Variants in RHOU observed in about 807,000 individuals in gnomAD.
RHOU encodes the protein ras homolog family member U, also known as rho-related GTP-binding protein RhoU.
In RHOU, 8 loss-of-function variants were observed where a neutral mutation model predicts 12.6. That is an observed-to-expected ratio of 0.64 (90% CI 0.37 to 1.15). The LOEUF (loss-of-function observed/expected upper bound fraction) is 1.15. RHOU is among the 50% of genes most tolerant of loss of function. RHOU has a pLI of 0.01. For synonymous variants in RHOU, 161 were observed against 147.4 expected, an observed-to-expected ratio of 1.09 and a Z score of -0.67; for missense variants, 258 against 347.0, an observed-to-expected ratio of 0.74 and a Z score of 2.04.
At chr1:228,658,778 C>T in the RHOU span, among the ~76,000 whole-genome samples, 2 of 152,194 alleles carry the variant, frequency 1.3e-5, no homozygotes, top group South Asian at 2.1e-4. Context: ...TGCAGTTGGC[C>T]CTGTAAAACC....
At chr1:228,669,451 A>G in the RHOU span, among the ~76,000 whole-genome samples, 1 of 152,144 alleles carries the variant, frequency 6.6e-6, no homozygotes, top group African/African-American at 2.4e-5. Flanking sequence ...TAACTTGGAA[A>G]ATAAAAGCTC....
At chr1:228,664,234 G>T in the RHOU span, among the ~76,000 whole-genome samples, 3 of 110,264 alleles carry the variant, frequency 2.7e-5, no homozygotes, top group African/African-American at 1.4e-4. Flanking sequence ...TCCCAGGCTG[G>T]TCTCGAACTC....
upstream of RHOU, among the ~76,000 whole-genome samples, chr1:228,732,437 C>T (rs557267123): frequency 2.0e-5 from 3 of 152,064 alleles, no homozygotes; most frequent in African/African-American, 4.8e-5. Flanking sequence ...TGAGTGGGTG[C>T]GGGACAGTTC....
upstream of RHOU, among the ~76,000 whole-genome samples, chr1:228,732,223 T>G (rs1193990391): frequency 6.6e-6 from 1 of 152,204 alleles, no homozygotes; most frequent in East Asian, 1.9e-4. Flanking sequence ...TGCTTCTAAG[T>G]GTGGGATATA....
the RHOU span, among the ~76,000 whole-genome samples, chr1:228,646,937 A>G: frequency 6.6e-6 from 1 of 152,032 alleles, no homozygotes; most frequent in Non-Finnish European, 1.5e-5. Flanking sequence ...AGAGGTAAAG[A>G]GAGAGAGGCT....
the RHOU span, among the ~76,000 whole-genome samples, chr1:228,686,564 T>C: frequency 4.6e-5 from 7 of 152,368 alleles, no homozygotes; most frequent in South Asian, 1.2e-3. Flanking sequence ...ACAACTGATA[T>C]TTAGTGCAAG....
the RHOU span, among the ~76,000 whole-genome samples, chr1:228,710,561 A>C: frequency 2.1e-3 from 317 of 152,304 alleles, 3 homozygotes; most frequent in Non-Finnish European, 4.8e-4. Flanking sequence ...GATAAAAACC[A>C]CATGATTATC....
the RHOU span, among the ~76,000 whole-genome samples, chr1:228,715,157 CT>C: frequency 2.8e-4 from 42 of 149,564 alleles, no homozygotes; most frequent in East Asian, 5.9e-4. Flanking sequence ...TGTTTTCTTT[CT>C]TTTTTTTTCT....
the RHOU span, among the ~76,000 whole-genome samples, chr1:228,707,122 A>G: frequency 3.7e-4 from 30 of 81,574 alleles, no homozygotes; most frequent in African/African-American, 4.1e-3. Context: ...ATATATATAT[A>G]TATACATATA....
At position 228,743,125 on chromosome 1, in the gene RHOU, G is replaced by A. The variant is rs1475630911; in HGVS notation, c.322-160G>A. On this transcript the variant is annotated intron_variant, in intron 2 of 2. Transcript: ENST00000366691. The surrounding 1 kb of genome is among the most constrained non-coding windows in gnomAD (Gnocchi z 5.1). Reference sequence around the variant, plus strand: ...CTTCGCTGGTGCACTGGCCCCGCTTGGGTAAACAGTAGGATCGTTTCAAGG... The same window carrying A: ...CTTCGCTGGTGCACTGGCCCCGCTTAGGTAAACAGTAGGATCGTTTCAAGG... 6.6e-6 allele frequency among the ~76,000 whole-genome samples: 1 copy of A among 152,206 alleles called. No individual in the cohort carries two copies. Among genetic ancestry groups the A allele is most frequent in the Non-Finnish European group, 1.5e-5 (1 of 68,040 alleles).
At position 228,743,247 on chromosome 1, in the gene RHOU, A is replaced by G; in HGVS notation, c.322-38A>G. On this transcript the variant is annotated intron_variant, in intron 2 of 2. Transcript: ENST00000366691. The surrounding 1 kb of genome is among the most constrained non-coding windows in gnomAD (Gnocchi z 5.1). Reference sequence around the variant, plus strand: ...GTGATCTTTTTACTGATGAGAATTCATGAAAACATAACTTTTGGGTACTTT... The same window carrying G: ...GTGATCTTTTTACTGATGAGAATTCGTGAAAACATAACTTTTGGGTACTTT... 1 of 1,568,662 alleles carries G rather than the reference A, an allele frequency of 6.4e-7. No individual in the cohort carries two copies.
chr1:228,657,408 A>G, the RHOU span, among the ~76,000 whole-genome samples: 1 of 152,150 alleles, frequency 6.6e-6, no homozygotes, highest in South Asian at 2.1e-4. Flanking sequence ...ACAGACTTCA[A>G]AATCAAATAG....
the RHOU span, among the ~76,000 whole-genome samples, chr1:228,722,616 T>C: frequency 6.6e-6 from 1 of 150,424 alleles, no homozygotes; most frequent in African/African-American, 2.5e-5. Flanking sequence ...TCCATGGAGT[T>C]ATCCTGACCT....
chr1:228,742,549 AAATG>A (rs1321004871), intron 2 of RHOU, among the ~76,000 whole-genome samples: 1 of 152,226 alleles, frequency 6.6e-6, no homozygotes, highest in African/African-American at 2.4e-5. Context: ...AAGTAGGAGA[AAATG>A]AAGGAAGGAG....
At position 228,737,726 on chromosome 1, in the gene RHOU, G is replaced by A. The variant is rs747703633; in HGVS notation, c.316G>A (p.Gly106Arg). ...GAGACTCCAACTCTGTGACACTGCC[G>A]GACAGGTCAGTATCACGTTACAGCT... ...PVRLQLCDTA[G>R]QDEFDKLRPL... is the part of the protein sequence containing the mutation. The change falls in exon 2 of 3, where the codon GGA becomes AGA. Residue 106 changes from glycine (G) to arginine (R), a missense_variant. By Grantham distance (125) the Gly-to-Arg change is moderately radical. Transcript: ENST00000366691. This position sits in a 1 kb window ranked among gnomAD's most constrained non-coding sequence, Gnocchi z 4.1. 1.2e-6 allele frequency: 2 copies of A among 1,614,032 alleles called. No homozygotes were observed. Among genetic ancestry groups the A allele is most frequent in the Admixed American group, 1.7e-5 (1 of 60,022 alleles).
chr1:228,686,708 C>G, the RHOU span, among the ~76,000 whole-genome samples: 4 of 152,288 alleles, frequency 2.6e-5, no homozygotes, highest in Admixed American at 6.5e-5. Flanking sequence ...AAATTCCTAA[C>G]TTTTAAAGCC....
the RHOU span, among the ~76,000 whole-genome samples, chr1:228,689,433 G>A: frequency 6.6e-6 from 1 of 152,158 alleles, no homozygotes; most frequent in Admixed American, 6.5e-5. Flanking sequence ...AGCTGAATCT[G>A]CCTGTTGATC....
At chr1:228,696,824 G>A in the RHOU span, among the ~76,000 whole-genome samples, 1 of 152,170 alleles carries the variant, frequency 6.6e-6, no homozygotes, top group Non-Finnish European at 1.5e-5. Context: ...TGGGATTACA[G>A]GAATGAGCCA....
At chr1:228,670,726 C>G in the RHOU span, among the ~76,000 whole-genome samples, 3 of 152,260 alleles carry the variant, frequency 2.0e-5, no homozygotes, top group South Asian at 6.2e-4. Flanking sequence ...GGAGCAGAGG[C>G]CTGGTGGGAG....
Sources: gnomAD v4.1 joint callset for allele counts (sites outside exome capture counted in the v4.1 genomes callset) on GRCh38, gnomAD v4.1.1 for gene constraint, Gnocchi (gnomAD v3.1) non-coding constraint, MANE v1.5 for transcripts, NCBI Gene and HGNC (gene_info 2026-07-23, HGNC 2026-07-21) for gene names.